ONECUT2: variants seen among roughly 807,000 people sequenced by gnomAD.
The protein encoded by ONECUT2 is one cut homeobox 2, also known as one cut domain family member 2.
A neutral mutation model predicts 27.9 loss-of-function variants in ONECUT2; 10 were observed. That is an observed-to-expected ratio of 0.36 (90% CI 0.22 to 0.61). The LOEUF is 0.61. Ranked by LOEUF, ONECUT2 falls within the 20% of genes least tolerant of loss-of-function variation. ONECUT2 has a pLI of 0.73. For synonymous variants in ONECUT2, 334 were observed against 315.1 expected, an observed-to-expected ratio of 1.06 and a Z score of -0.64; for missense variants, 686 against 721.0, an observed-to-expected ratio of 0.95 and a Z score of 0.56.
At position 57,488,223 on chromosome 18, in the gene ONECUT2, T is replaced by C. The variant is rs928872865; in HGVS notation, c.*11500T>C. The C allele has an allele frequency of 6.6e-6, 1 of 152,660 alleles. No homozygotes were observed. The highest frequency in any genetic ancestry group is 1.5e-5 in the Non-Finnish European group (1 of 68,034). 9.5% of individuals were successfully genotyped at this position (152,660 alleles called of 1,614,324 possible). A position where few individuals can be genotyped will look rare whatever the true frequency, so the allele number is the denominator to read the frequency against. Reference sequence around the variant, plus strand: ...TTAATCTGCCAAAGATGGGAACAGATACAAGAATTTTTCAAATTGGCTTTT... The same window carrying C: ...TTAATCTGCCAAAGATGGGAACAGACACAAGAATTTTTCAAATTGGCTTTT... On this transcript the variant is annotated 3_prime_UTR_variant, in exon 2 of 2. Coordinates refer to ENST00000491143, the MANE Select transcript of ONECUT2 (RefSeq NM_004852.3).
chr18:57,447,816 A>T (rs1218141727), intron 1 of ONECUT2, among the ~76,000 whole-genome samples: 1 of 152,246 alleles, frequency 6.6e-6, no homozygotes, highest in Non-Finnish European at 1.5e-5. Context: ...CACAAGGAGA[A>T]CCAACTGTGG....
At chr18:57,459,130 C>T (rs547923586) in intron 1 of ONECUT2, among the ~76,000 whole-genome samples, 2 of 152,260 alleles carry the variant, frequency 1.3e-5, no homozygotes, top group South Asian at 2.1e-4. Flanking sequence ...AGTTAAAAGG[C>T]ATAAAGTGAT....
At chr18:57,475,568 C>A (rs768427441) in intron 1 of ONECUT2, among the ~76,000 whole-genome samples, 1 of 152,142 alleles carries the variant, frequency 6.6e-6, no homozygotes, top group Non-Finnish European at 1.5e-5. Flanking sequence ...ACTACAGAGG[C>A]CTGGTTGCTG....
At chr18:57,443,885 C>G (rs1007048320) in intron 1 of ONECUT2, among the ~76,000 whole-genome samples, 2 of 152,188 alleles carry the variant, frequency 1.3e-5, no homozygotes, top group African/African-American at 4.8e-5. Flanking sequence ...ATTTGAGGAC[C>G]CATTACTCTT....
At chr18:57,459,402 G>A (rs555880469) in intron 1 of ONECUT2, among the ~76,000 whole-genome samples, 1 of 152,244 alleles carries the variant, frequency 6.6e-6, no homozygotes, top group Non-Finnish European at 1.5e-5. Flanking sequence ...AAATATCTAT[G>A]TGCCCAACAC....
Position 57,436,336 on chromosome 18 carries a change from T to A in ONECUT2, c.620T>A (p.Met207Lys). ...CGCGACGAGCGCGGGCTCCCGGCCATGAACAACCTCTACAGTCCCTACAAG... is the reference window on the plus strand; with the variant it reads ...CGCGACGAGCGCGGGCTCCCGGCCAAGAACAACCTCTACAGTCCCTACAAG... Reference protein sequence around the residue: ...LMRDERGLPAMNNLYSPYKEM... With the variant: ...LMRDERGLPAKNNLYSPYKEM... Residue 207 changes from methionine (M) to lysine (K), a missense_variant, in exon 1 of 2, where the codon ATG (methionine) becomes AAG (lysine). By Grantham distance (95) the Met-to-Lys change is moderately conservative (BLOSUM62 -1). This residue lies in a region of ONECUT2 where 511 missense variants were observed against 488.1 expected (regional missense o/e 1.05). Transcript: ENST00000491143. The surrounding 1 kb of genome is among the most constrained non-coding windows in gnomAD (Gnocchi z 5.9). 1 of 1,605,436 alleles carries A rather than the reference T, an allele frequency of 6.2e-7. No individual in the cohort carries two copies. Among genetic ancestry groups the A allele is most frequent in the East Asian group, 2.2e-5 (1 of 44,826 alleles).
At chr18:57,442,924 G>T (rs2050183520) in intron 1 of ONECUT2, among the ~76,000 whole-genome samples, 1 of 152,160 alleles carries the variant, frequency 6.6e-6, no homozygotes, top group African/African-American at 2.4e-5. Flanking sequence ...CCTGAGGGAA[G>T]GAGAGCCAGC....
chr18:57,466,460 T>C (rs2050321817), intron 1 of ONECUT2, among the ~76,000 whole-genome samples: 1 of 152,228 alleles, frequency 6.6e-6, no homozygotes, highest in South Asian at 2.1e-4. Context: ...CTCCTAGCCA[T>C]TTTAAGCCAG....
chr18:57,469,252 A>T (rs1226539706), intron 1 of ONECUT2, among the ~76,000 whole-genome samples: 2 of 152,140 alleles, frequency 1.3e-5, no homozygotes, highest in Non-Finnish European at 2.9e-5. Flanking sequence ...TTCAGCTGAA[A>T]AGCGAAAAGG....
In ONECUT2 at chr18:57,436,416, A is replaced by C. The variant is rs751260983; in HGVS notation, c.700A>C (p.Asn234His). The part of the protein sequence containing the change: ...LSPLAATPLG[N>H]GLGGLHNAQQ... Reference sequence around the variant, plus strand: ...CCCGCTGGCCGCCACGCCGCTGGGCAACGGGCTAGGCGGCCTCCACAACGC... The same window carrying C: ...CCCGCTGGCCGCCACGCCGCTGGGCCACGGGCTAGGCGGCCTCCACAACGC... The change falls in exon 1 of 2, where the codon AAC becomes CAC. Residue 234 changes from asparagine (N) to histidine (H), a missense_variant. Physicochemically the swap from Asn to His is moderately conservative, Grantham distance 68. Around this residue, in one of 4 missense-constraint regions of ONECUT2, gnomAD observed 511 missense variants for 488.1 expected, o/e 1.05. Coordinates refer to ENST00000491143, the MANE Select transcript of ONECUT2 (RefSeq NM_004852.3). This position sits in a 1 kb window ranked among gnomAD's most constrained non-coding sequence, Gnocchi z 5.9. The C allele has an allele frequency of 3.7e-6, 6 of 1,611,742 alleles. No individual in the cohort carries two copies. The highest frequency in any genetic ancestry group is 5.1e-6 in the Non-Finnish European group (6 of 1,179,876).
intron 1 of ONECUT2, among the ~76,000 whole-genome samples, chr18:57,464,138 G>T (rs963063381): frequency 1.3e-5 from 2 of 152,040 alleles, no homozygotes; most frequent in Non-Finnish European, 2.9e-5. Context: ...TAAGTAATTT[G>T]CTTAATCCTC....
At position 57,476,939 on chromosome 18, in the gene ONECUT2, A is replaced by G; in HGVS notation, c.*216A>G. On this transcript the variant is annotated 3_prime_UTR_variant, in exon 2 of 2. Coordinates refer to ENST00000491143, the MANE Select transcript of ONECUT2 (RefSeq NM_004852.3). ...GGCTATGGAGTCCAAGTGCAAGCTG[A>G]AAAATTAATCTCTTAGAACCAGACA... The G allele has an allele frequency of 1.7e-6, 1 of 599,630 alleles. No individual in the cohort carries two copies. Among genetic ancestry groups the G allele is most frequent in the South Asian group, 2.1e-5 (1 of 47,390 alleles). The allele number at this position is 599,630 out of a possible 1,614,324, so 37.1% of individuals were successfully genotyped here.
chr18:57,463,379 G>A (rs1208155955), intron 1 of ONECUT2, among the ~76,000 whole-genome samples: 6 of 152,080 alleles, frequency 3.9e-5, no homozygotes, highest in Non-Finnish European at 7.4e-5. Flanking sequence ...GTTGTCCTAC[G>A]TTGTTCTTCT....
intron 1 of ONECUT2, among the ~76,000 whole-genome samples, chr18:57,450,016 G>A (rs984218104): frequency 6.6e-6 from 1 of 152,144 alleles, no homozygotes. Context: ...CTGGTCCATG[G>A]CTGAACCCAC....
Position 57,479,532 on chromosome 18 carries a change from T to C in ONECUT2, c.*2809T>C, listed in dbSNP as rs1598946777. On this transcript the variant is annotated 3_prime_UTR_variant, in exon 2 of 2. Coordinates refer to ENST00000491143, the MANE Select transcript of ONECUT2 (RefSeq NM_004852.3). ...GGATGATTTGAAGTATTCAGATCTC[T>C]ATGGAAGTTTCTGGGACAGGTTTAA... 6.6e-6 allele frequency: 1 copy of C among 152,664 alleles called. No individual in the cohort carries two copies. Among genetic ancestry groups the C allele is most frequent in the African/African-American group, 2.4e-5 (1 of 41,458 alleles). The allele number at this position is 152,664 out of a possible 1,614,324, so 9.5% of individuals were successfully genotyped here. A position where few individuals can be genotyped will look rare whatever the true frequency, so the allele number is the denominator to read the frequency against.
chr18:57,445,056 A>G (rs1442866746), intron 1 of ONECUT2, among the ~76,000 whole-genome samples: 1 of 152,186 alleles, frequency 6.6e-6, no homozygotes, highest in Non-Finnish European at 1.5e-5. Flanking sequence ...ATCTGTTTAT[A>G]TGCCTAGAGT....
intron 1 of ONECUT2, among the ~76,000 whole-genome samples, chr18:57,469,032 CT>C (rs1373305277): frequency 6.6e-6 from 1 of 152,156 alleles, no homozygotes; most frequent in Non-Finnish European, 1.5e-5. Flanking sequence ...CCTCAAACAC[CT>C]GTAGGTTTCT....
chr18:57,474,750 A>G (rs1240683304), intron 1 of ONECUT2, among the ~76,000 whole-genome samples: 1 of 152,170 alleles, frequency 6.6e-6, no homozygotes, highest in East Asian at 1.9e-4. Flanking sequence ...CCGTCCACAT[A>G]AGATGCTGCC....
chr18:57,444,891 G>A (rs997157330), intron 1 of ONECUT2, among the ~76,000 whole-genome samples: 5 of 152,066 alleles, frequency 3.3e-5, no homozygotes, highest in Admixed American at 2.0e-4. Flanking sequence ...GGGAAGAGAG[G>A]GGGTCAGGAG....
Sources: allele counts gnomAD v4.1 joint callset (sites outside exome capture counted in the v4.1 genomes callset), GRCh38; gene constraint gnomAD v4.1.1; regional missense constraint gnomAD v4.1.1; non-coding constraint Gnocchi (gnomAD v3.1); transcripts MANE v1.5; gene names NCBI Gene and HGNC (gene_info 2026-07-23, HGNC 2026-07-21).